ASB4: variants seen among roughly 807,000 people sequenced by gnomAD.
The protein encoded by ASB4 is ankyrin repeat and SOCS box containing 4.
In ASB4, 35 loss-of-function variants were observed where a neutral mutation model predicts 38.6. The observed-to-expected ratio is 0.91, with a 90% CI of 0.69 to 1.20. The LOEUF (loss-of-function observed/expected upper bound fraction) is 1.20, where lower values mean the gene tolerates loss of function less well. ASB4 is among the 50% of genes most tolerant of loss of function. The pLI, the probability that ASB4 is intolerant of heterozygous loss-of-function variation, is 0.00. For missense variants in ASB4, 557 were observed against 527.2 expected (o/e 1.06, Z -0.55); for synonymous variants, 195 against 201.3 (o/e 0.97, Z 0.26).
the ASB4 span, among the ~76,000 whole-genome samples, chr7:95,471,186 T>C: frequency 1.3e-5 from 2 of 152,206 alleles, no homozygotes; most frequent in African/African-American, 2.4e-5. Flanking sequence ...ACCCTCATTA[T>C]GAACTGCATT....
chr7:95,537,371 G>A (rs1439969833), intron 4 of ASB4, among the ~76,000 whole-genome samples, 200 bp from the exon 5 acceptor site: 1 of 152,138 alleles, frequency 6.6e-6, no homozygotes, highest in Non-Finnish European at 1.5e-5. Flanking sequence ...CTGAATTGTA[G>A]AATGTTATTT....
the ASB4 span, among the ~76,000 whole-genome samples, chr7:95,472,690 A>G: frequency 6.6e-6 from 1 of 152,168 alleles, no homozygotes; most frequent in Non-Finnish European, 1.5e-5. Flanking sequence ...CAGGCTCTGA[A>G]TTCCACAGCA....
At chr7:95,511,043 C>G (rs1790472180) in intron 2 of ASB4, among the ~76,000 whole-genome samples, 1 of 152,032 alleles carries the variant, frequency 6.6e-6, no homozygotes, top group African/African-American at 2.4e-5. Flanking sequence ...ACTTATGGAA[C>G]ATAATATAAA....
At chr7:95,509,564 G>A (rs773173916) in intron 2 of ASB4, among the ~76,000 whole-genome samples, 11 of 152,174 alleles carry the variant, frequency 7.2e-5, no homozygotes, top group Non-Finnish European at 7.3e-5. Context: ...TTAAACTTGA[G>A]TAAATAATTT....
chr7:95,508,428 G>A (rs1318659123), intron 2 of ASB4, among the ~76,000 whole-genome samples: 1 of 152,090 alleles, frequency 6.6e-6, no homozygotes, highest in African/African-American at 2.4e-5. Context: ...TGAAATAATT[G>A]TTAGAGAGGA....
the ASB4 span, among the ~76,000 whole-genome samples, chr7:95,545,357 A>G: frequency 2.0e-5 from 3 of 152,322 alleles, no homozygotes; most frequent in South Asian, 6.2e-4. Flanking sequence ...CCTTCATTGG[A>G]AAGAGATCTG....
At chr7:95,514,832 C>T (rs940611230) in intron 2 of ASB4, among the ~76,000 whole-genome samples, 1 of 152,182 alleles carries the variant, frequency 6.6e-6, no homozygotes, top group African/African-American at 2.4e-5. Context: ...TTGCTTAATT[C>T]CATCCAAAGT....
chr7:95,496,479 G>A (rs932300551), intron 2 of ASB4, among the ~76,000 whole-genome samples: 4 of 152,166 alleles, frequency 2.6e-5, no homozygotes, highest in African/African-American at 9.7e-5. Context: ...GAATGAGGAT[G>A]TCAGAAGTGA....
upstream of ASB4, among the ~76,000 whole-genome samples, chr7:95,482,438 T>C (rs969689985): frequency 3.3e-5 from 5 of 152,222 alleles, no homozygotes; most frequent in Non-Finnish European, 4.4e-5. Context: ...GGGCCAAGTT[T>C]TGAAGTTTGC....
chr7:95,537,554 C>T lies in ASB4; in HGVS notation c.1093-17C>T. On this transcript the variant is annotated splice_polypyrimidine_tract_variant and intron_variant, in intron 4 of 4. Transcript: ENST00000325885. ...TGGGGCCTTGCTAACTTTAATTTGT[C>T]TTGCCTTCCTTTTCAGAAATACTGG... 1 of 1,579,550 alleles carries T rather than the reference C, an allele frequency of 6.3e-7. No individual in the cohort carries two copies. Among genetic ancestry groups the T allele is most frequent in the Non-Finnish European group, 8.6e-7 (1 of 1,160,334 alleles).
intron 2 of ASB4, among the ~76,000 whole-genome samples, chr7:95,526,418 C>T (rs1393381867): frequency 1.3e-5 from 2 of 152,214 alleles, no homozygotes; most frequent in East Asian, 3.8e-4. Context: ...AGCCCCTTCT[C>T]TGCTGTGCTG....
At chr7:95,489,616 G>A (rs1790141712) in intron 1 of ASB4, among the ~76,000 whole-genome samples, 1 of 152,182 alleles carries the variant, frequency 6.6e-6, no homozygotes, top group African/African-American at 2.4e-5. Flanking sequence ...ACCTCCCTGG[G>A]AATGGCGGAG....
chr7:95,499,333 A>G (rs1461286222), intron 2 of ASB4, among the ~76,000 whole-genome samples: 3 of 152,238 alleles, frequency 2.0e-5, no homozygotes, highest in Non-Finnish European at 4.4e-5. Context: ...TAACATTTCA[A>G]TGTTAGAAGG....
At chr7:95,472,237 G>T in the ASB4 span, among the ~76,000 whole-genome samples, 1 of 111,346 alleles carries the variant, frequency 9.0e-6, no homozygotes, top group African/African-American at 3.6e-5. Context: ...CCAAAAATGT[G>T]TCCAAAATTG....
chr7:95,528,693 T>C lies in ASB4; in HGVS notation c.978+390T>C, dbSNP rs143546171. On this transcript the variant is annotated intron_variant, in intron 3 of 4. Coordinates refer to ENST00000325885, the MANE Select transcript of ASB4 (RefSeq NM_016116.3). ...GACTCAGCCTGCTTTGAAATTAGCT[T>C]GTAGCCATGAAAGGGCCACCCGATT... 6,917 of 1,085,124 alleles carry C rather than the reference T, an allele frequency of 6.4e-3. 40 individuals are homozygous for C. The highest frequency in any genetic ancestry group is 7.9e-3 in the Admixed American group (172 of 21,676). 67.2% of individuals were successfully genotyped at this position (1,085,124 alleles called of 1,614,324 possible). A position where few individuals can be genotyped will look rare whatever the true frequency, so the allele number is the denominator to read the frequency against.
intron 1 of ASB4, among the ~76,000 whole-genome samples, chr7:95,489,294 A>T (rs1790137093): frequency 6.6e-6 from 1 of 152,216 alleles, no homozygotes; most frequent in Admixed American, 6.5e-5. Flanking sequence ...TGGATTACAA[A>T]TAAGTCTGGA....
At chr7:95,482,401 C>G (rs930032484), upstream of ASB4, among the ~76,000 whole-genome samples, 1 of 152,176 alleles carries the variant, frequency 6.6e-6, no homozygotes, top group Non-Finnish European at 1.5e-5. Context: ...ATTCTGAAGT[C>G]ATGTTCCCTG....
At chr7:95,514,896 G>A (rs1790533257) in intron 2 of ASB4, among the ~76,000 whole-genome samples, 1 of 152,202 alleles carries the variant, frequency 6.6e-6, no homozygotes, top group South Asian at 2.1e-4. Context: ...CTGAGATAAA[G>A]GCAGAAATGC....
At chr7:95,545,038 C>CTTT (rs10678864), downstream of ASB4, among the ~76,000 whole-genome samples, 258 of 147,626 alleles carry the variant, frequency 1.7e-3, 1 homozygote, top group Non-Finnish European at 1.8e-3. Context: ...AAAGATCCAG[C>CTTT]TTTTTTTTTT....
Sources: allele counts gnomAD v4.1 joint callset (sites outside exome capture counted in the v4.1 genomes callset), GRCh38; gene constraint gnomAD v4.1.1; transcripts MANE v1.5; gene names NCBI Gene and HGNC (gene_info 2026-07-23, HGNC 2026-07-21).